The following MDGA2 variants were observed in gnomAD, a reference collection of about 807,000 sequenced individuals.
MDGA2 encodes the protein MAM domain-containing glycosylphosphatidylinositol anchor protein 2.
In MDGA2, 40 loss-of-function variants were observed where a neutral mutation model predicts 117.8. That is an observed-to-expected ratio of 0.34 (90% CI 0.26 to 0.44). The LOEUF is 0.44. Among genes scored for constraint, MDGA2 ranks in the 20% least tolerant of loss-of-function variants. The pLI is 1.00. For synonymous variants in MDGA2, 452 were observed against 439.0 expected, an observed-to-expected ratio of 1.03 and a Z score of -0.37; for missense variants, 1,123 against 1,250.6, an observed-to-expected ratio of 0.90 and a Z score of 1.54.
chr14:46,916,512 G>A (rs769911570), intron 10 of MDGA2, among the ~76,000 whole-genome samples: 1 of 151,256 alleles, frequency 6.6e-6, no homozygotes, highest in Non-Finnish European at 1.5e-5. Context: ...CGATTTTATT[G>A]TATCTAGAAT....
chr14:47,007,234 T>C (rs1887744145), intron 8 of MDGA2, among the ~76,000 whole-genome samples: 1 of 151,832 alleles, frequency 6.6e-6, no homozygotes, highest in African/African-American at 2.4e-5. Context: ...AATAATGTTA[T>C]GTATTGAACA....
chr14:46,850,385 A>G (rs1370085773), intron 15 of MDGA2, among the ~76,000 whole-genome samples: 2 of 151,836 alleles, frequency 1.3e-5, no homozygotes, highest in African/African-American at 4.8e-5. Flanking sequence ...AAATAATACA[A>G]TGCACTTCTG....
intron 8 of MDGA2, among the ~76,000 whole-genome samples, chr14:46,989,314 C>A (rs1377049112): frequency 2.8e-5 from 4 of 144,688 alleles, no homozygotes; most frequent in Admixed American, 2.0e-4. Flanking sequence ...AAAAGGATAG[C>A]TGCACTGGAA....
chr14:47,067,010 G>T (rs972886940), intron 6 of MDGA2, among the ~76,000 whole-genome samples: 18 of 152,262 alleles, frequency 1.2e-4, no homozygotes, highest in African/African-American at 4.3e-4. Flanking sequence ...AGCTACTTGG[G>T]AGGCTTAGGC....
chr14:47,155,486 G>A (rs1008986553), intron 3 of MDGA2, among the ~76,000 whole-genome samples: 1 of 152,038 alleles, frequency 6.6e-6, no homozygotes, highest in African/African-American at 2.4e-5. Context: ...CAAGATTCTG[G>A]GTACCACCAT....
chr14:47,559,145 T>C (rs1036052007), intron 1 of MDGA2, among the ~76,000 whole-genome samples: 1 of 152,308 alleles, frequency 6.6e-6, no homozygotes, highest in East Asian at 1.9e-4. Context: ...CATAGGTAAA[T>C]TGCGTGTTGC....
intron 8 of MDGA2, among the ~76,000 whole-genome samples, chr14:46,975,420 C>T (rs889165129): frequency 6.6e-6 from 1 of 152,006 alleles, no homozygotes; most frequent in Non-Finnish European, 1.5e-5. Flanking sequence ...ATTCACAACA[C>T]CTAAAAGATG....
At chr14:47,514,052 A>G (rs1233052018) in intron 1 of MDGA2, among the ~76,000 whole-genome samples, 1 of 152,196 alleles carries the variant, frequency 6.6e-6, no homozygotes, top group Non-Finnish European at 1.5e-5. Context: ...GAAGTTGACA[A>G]CAAAGCCACC....
chr14:47,530,757 C>A (rs1895082012), intron 1 of MDGA2, among the ~76,000 whole-genome samples: 1 of 152,068 alleles, frequency 6.6e-6, no homozygotes, highest in Non-Finnish European at 1.5e-5. Context: ...AGGCTGCTGG[C>A]TAGATCCCAC....
At chr14:47,140,655 A>G (rs1386060315) in intron 4 of MDGA2, among the ~76,000 whole-genome samples, 1 of 152,166 alleles carries the variant, frequency 6.6e-6, no homozygotes, top group Non-Finnish European at 1.5e-5. Context: ...CTAGACTTCT[A>G]TCTCTCCGCA....
intron 4 of MDGA2, among the ~76,000 whole-genome samples, chr14:47,139,262 T>A (rs936659109): frequency 4.6e-5 from 7 of 152,096 alleles, no homozygotes; most frequent in African/African-American, 1.4e-4. Context: ...TCTCCACACA[T>A]ACTAATTATT....
intron 5 of MDGA2, among the ~76,000 whole-genome samples, chr14:47,124,990 T>C (rs1403816524): frequency 2.0e-5 from 3 of 152,128 alleles, no homozygotes; most frequent in Non-Finnish European, 4.4e-5. Context: ...ACATAGGACA[T>C]CATCATACGT....
chr14:47,650,621 C>T (rs1359311015), intron 1 of MDGA2, among the ~76,000 whole-genome samples: 3 of 152,098 alleles, frequency 2.0e-5, no homozygotes, highest in African/African-American at 7.2e-5. Context: ...GGGTTGCTTC[C>T]CAACTTGCAC....
At chr14:47,190,807 T>C (rs552754346) in intron 3 of MDGA2, among the ~76,000 whole-genome samples, 1 of 152,286 alleles carries the variant, frequency 6.6e-6, no homozygotes, top group African/African-American at 2.4e-5. Context: ...TTCATATTCA[T>C]AGTTGAATAC....
intron 1 of MDGA2, among the ~76,000 whole-genome samples, chr14:47,655,868 A>G (rs1380926327): frequency 1.3e-5 from 2 of 152,116 alleles, no homozygotes; most frequent in African/African-American, 4.8e-5. Flanking sequence ...TGAAGAATTA[A>G]TTCCTCAAGC....
intron 10 of MDGA2, among the ~76,000 whole-genome samples, chr14:46,904,726 T>C (rs1883424205): frequency 6.6e-6 from 1 of 152,202 alleles, no homozygotes; most frequent in Admixed American, 6.5e-5. Flanking sequence ...ATGTTTACAT[T>C]TAAAGAAGTA....
intron 1 of MDGA2, among the ~76,000 whole-genome samples, chr14:47,373,906 A>C (rs1373138912): frequency 1.3e-5 from 2 of 152,166 alleles, no homozygotes; most frequent in African/African-American, 4.8e-5. Flanking sequence ...TTCATTTTTA[A>C]ATATTATACT....
intron 5 of MDGA2, among the ~76,000 whole-genome samples, chr14:47,121,604 G>A (rs1261936859): frequency 6.6e-6 from 1 of 151,948 alleles, no homozygotes; most frequent in Non-Finnish European, 1.5e-5. Flanking sequence ...CTTCACAAAG[G>A]ATATTTTCAG....
intron 8 of MDGA2, among the ~76,000 whole-genome samples, chr14:46,994,411 C>G (rs572001699): frequency 6.6e-6 from 1 of 152,086 alleles, no homozygotes; most frequent in Non-Finnish European, 1.5e-5. Context: ...GGAGTGAAGA[C>G]AGTCTGCAAA....
Sources: allele counts gnomAD v4.1 joint callset (sites outside exome capture counted in the v4.1 genomes callset), GRCh38; gene constraint gnomAD v4.1.1; transcripts MANE v1.5; gene names NCBI Gene and HGNC (gene_info 2026-07-23, HGNC 2026-07-21).